EMX1: variants seen among roughly 807,000 people sequenced by gnomAD.
EMX1 encodes homeobox protein EMX1.
In EMX1, 10 loss-of-function variants were observed where a neutral mutation model predicts 20.1. The observed-to-expected ratio is 0.50, with a 90% CI of 0.31 to 0.84. The LOEUF (loss-of-function observed/expected upper bound fraction) is 0.84, where lower values mean the gene tolerates loss of function less well. EMX1 is among the 40% of genes least tolerant of loss of function. The probability of loss-of-function intolerance (pLI) is 0.05; values close to 1 mark genes in which losing one functional copy is unlikely to be tolerated. For synonymous variants in EMX1, 250 were observed against 200.4 expected, an observed-to-expected ratio of 1.25 and a Z score of -2.09; for missense variants, 424 against 431.9, an observed-to-expected ratio of 0.98 and a Z score of 0.16.
Position 72,930,831 on chromosome 2 carries a change from TA to T in EMX1, c.706-2954del, listed in dbSNP as rs1174055759. Reference sequence around the variant, plus strand: ...AGTAAAAAATAACTACCATTATCAATAATCTATTAAGGAAAATTCAGAAAAG... The same window carrying T: ...AGTAAAAAATAACTACCATTATCAATATCTATTAAGGAAAATTCAGAAAAG... On this transcript the variant is annotated intron_variant, in intron 2 of 2. Coordinates refer to ENST00000258106, the MANE Select transcript of EMX1 (RefSeq NM_004097.3). This position sits in a 1 kb window ranked among gnomAD's most constrained non-coding sequence, Gnocchi z 4.4. 6.6e-6 allele frequency among the ~76,000 whole-genome samples: 1 copy of T among 152,206 alleles called. No individual in the cohort carries two copies. Among genetic ancestry groups the T allele is most frequent in the Non-Finnish European group, 1.5e-5 (1 of 68,028 alleles).
Position 72,933,859 on chromosome 2 carries a change from G to A in EMX1, c.778G>A (p.Glu260Lys), listed in dbSNP as rs756031836. ...GCTGGAGGAGGAAGGGCCTGAGTCC[G>A]AGCAGAAGAAGAAGGGCTCCCATCA... ...QKLEEEGPES[E>K]QKKKGSHHIN... Residue 260 changes from glutamate to lysine, a missense_variant, in exon 3 of 3, where the codon GAG becomes AAG. Physicochemically the swap from Glu to Lys is moderately conservative, Grantham distance 56. Around this residue, in one of 2 missense-constraint regions of EMX1, gnomAD observed 91 missense variants for 135.2 expected, o/e 0.67. Coordinates refer to ENST00000258106, the MANE Select transcript of EMX1 (RefSeq NM_004097.3). 8.1e-6 allele frequency: 13 copies of A among 1,614,242 alleles called. No homozygotes were observed. Among genetic ancestry groups the A allele is most frequent in the Non-Finnish European group, 1.1e-5 (13 of 1,180,034 alleles).
intron 1 of EMX1, chr2:72,924,075 G>A (rs879595981): frequency 9.7e-5 from 59 of 608,014 alleles, no homozygotes; most frequent in Admixed American, 3.3e-4. Flanking sequence ...TATTCCCCGC[G>A]TTCCCCCGCG....
At position 72,924,435 on chromosome 2, in the gene EMX1, A is replaced by G; in HGVS notation, c.647A>G (p.Tyr216Cys). 1.3e-6 allele frequency: 2 copies of G among 1,597,822 alleles called. No homozygotes were observed. Among genetic ancestry groups the G allele is most frequent in the Non-Finnish European group, 8.5e-7 (1 of 1,176,726 alleles). Residue 216 changes from tyrosine to cysteine, a missense_variant, in exon 2 of 3, where the codon TAC becomes TGC. By Grantham distance (194) the Tyr-to-Cys change is radical. Transcript: ENST00000258106. ...RLERAFEKNH[Y>C]VVGAERKQLA... is the part of the protein sequence containing the mutation. Reference sequence around the variant, plus strand: ...GAGCGCGCCTTCGAGAAGAACCACTACGTGGTGGGCGCCGAGCGGAAGCAG... The same window carrying G: ...GAGCGCGCCTTCGAGAAGAACCACTGCGTGGTGGGCGCCGAGCGGAAGCAG...
intron 2 of EMX1, among the ~76,000 whole-genome samples, chr2:72,932,622 C>T (rs1055379943): frequency 6.6e-6 from 1 of 152,176 alleles, no homozygotes. Context: ...ACATTAAGGG[C>T]TGTGTCCTGG....
upstream of EMX1, chr2:72,916,199 C>G (rs1188644508): frequency 6.2e-6 from 1 of 161,490 alleles, no homozygotes; most frequent in Non-Finnish European, 1.3e-5. Context: ...GAGCGCTCTC[C>G]AAACCACGGC....
chr2:72,916,448 C>G, upstream of EMX1: 1 of 564,454 alleles, frequency 1.8e-6, no homozygotes, highest in Non-Finnish European at 3.2e-6. Flanking sequence ...GCCGCCCGCG[C>G]CCTCCTAGGC....
rs1415828860 is a variant in EMX1, at chr2:72,918,067, C to G, written c.215C>G (p.Ala72Gly). The change falls in exon 1 of 3, where the codon GCC (alanine) becomes GGC (glycine). Residue 72 changes from alanine (A) to glycine (G), a missense_variant. Physicochemically the swap from Ala to Gly is moderately conservative, Grantham distance 60 (BLOSUM62 0). Coordinates refer to ENST00000258106, the MANE Select transcript of EMX1 (RefSeq NM_004097.3). ...GCGGGCTCCCATCTCCTGGCGGCGG[C>G]CGCCTCCGAGGAACCGCTCCGGCCC... is the stretch of plus-strand genomic sequence containing the variant. ...GGAGSHLLAA[A>G]ASEEPLRPTA... The G allele has an allele frequency of 7.1e-7, 1 of 1,417,542 alleles. No individual in the cohort carries two copies. Among genetic ancestry groups the G allele is most frequent in the Non-Finnish European group, 9.1e-7 (1 of 1,095,438 alleles). The allele number at this position is 1,417,542 out of a possible 1,614,324, so 87.8% of individuals were successfully genotyped here.
chr2:72,934,124 A>C lies in EMX1; in HGVS notation c.*170A>C. On this transcript the variant is annotated 3_prime_UTR_variant, in exon 3 of 3. Transcript: ENST00000258106. Reference sequence around the variant, plus strand: ...GCCGCCATTGACAGAGGGACAAGCAATGGGCTGGCTGAGGCCTGGGACCAC... The same window carrying C: ...GCCGCCATTGACAGAGGGACAAGCACTGGGCTGGCTGAGGCCTGGGACCAC... 5 of 936,332 alleles carry C rather than the reference A, an allele frequency of 5.3e-6. No homozygotes were observed. Among genetic ancestry groups the C allele is most frequent in the Non-Finnish European group, 6.0e-6 (4 of 662,314 alleles). The allele number at this position is 936,332 out of a possible 1,614,324, so 58.0% of individuals were successfully genotyped here.
chr2:72,931,789 C>T (rs939012971), intron 2 of EMX1, among the ~76,000 whole-genome samples: 28 of 152,266 alleles, frequency 1.8e-4, no homozygotes, highest in African/African-American at 5.8e-4. Context: ...GCTTTCCAGC[C>T]CCTGGCTGGC....
chr2:72,932,433 C>G (rs1671300854), intron 2 of EMX1, among the ~76,000 whole-genome samples: 1 of 152,218 alleles, frequency 6.6e-6, no homozygotes, highest in African/African-American at 2.4e-5. Flanking sequence ...AGCTGAGAAT[C>G]AGTACCCAGG....
At chr2:72,924,657 T>C (rs1274036635) in intron 2 of EMX1, among the ~76,000 whole-genome samples, 164 bp downstream of exon 2, 2 of 152,306 alleles carry the variant, frequency 1.3e-5, no homozygotes, top group Non-Finnish European at 1.5e-5. Context: ...TTAGAGCCTC[T>C]TCCTCGAGAC....
intron 2 of EMX1, 70 bp downstream of exon 2, chr2:72,924,563 G>T (rs1257622247): frequency 1.4e-6 from 2 of 1,456,862 alleles, no homozygotes; most frequent in Admixed American, 4.7e-5. Context: ...GCGGGTGCAG[G>T]AGAGGCCCTG....
intron 1 of EMX1, among the ~76,000 whole-genome samples, chr2:72,922,980 G>A (rs905020292): frequency 2.6e-5 from 4 of 152,184 alleles, no homozygotes; most frequent in African/African-American, 9.7e-5. Context: ...GGTGCATCAG[G>A]AGGCTGTTAT....
At chr2:72,917,228 G>A (rs1042631225), upstream of EMX1, among the ~76,000 whole-genome samples, 6 of 152,232 alleles carry the variant, frequency 3.9e-5, no homozygotes, top group Admixed American at 1.3e-4. Flanking sequence ...ACACACCGGG[G>A]AGGGGAGGGT....
chr2:72,931,179 A>T (rs1356675303), intron 2 of EMX1, among the ~76,000 whole-genome samples: 1 of 152,196 alleles, frequency 6.6e-6, no homozygotes, highest in Admixed American at 6.5e-5. Context: ...ATCACCTTTC[A>T]CTTGGGTGCC....
Position 72,918,223 on chromosome 2 carries a change from A to G in EMX1, c.371A>G (p.Asn124Ser). ...GAGCTCGTGTTCCCCGAGGCCATGA[A>G]CCACCCCGCGCTGACCGTGCATCCG... ...GPELVFPEAM[N>S]HPALTVHPAH... Residue 124 changes from asparagine (N) to serine (S), a missense_variant, in exon 1 of 3, where the codon AAC becomes AGC. Physicochemically the swap from Asn to Ser is conservative, Grantham distance 46. Coordinates refer to ENST00000258106, the MANE Select transcript of EMX1 (RefSeq NM_004097.3). 6.3e-7 allele frequency: 1 copy of G among 1,575,206 alleles called. No individual in the cohort carries two copies. The highest frequency in any genetic ancestry group is 1.4e-5 in the African/African-American group (1 of 71,770).
Position 72,918,378 on chromosome 2 carries a change from T to A in EMX1, c.520+6T>A. ...CTTCGGCCACCGCTTCCAGGGTGAG[T>A]GTCCACGCTGTGCCCGCCGAGGCGG... On this transcript the variant is annotated splice_donor_region_variant and intron_variant, in intron 1 of 2. Coordinates refer to ENST00000258106, the MANE Select transcript of EMX1 (RefSeq NM_004097.3). 7.2e-7 allele frequency: 1 copy of A among 1,392,026 alleles called. No individual in the cohort carries two copies. 86.2% of individuals were successfully genotyped at this position (1,392,026 alleles called of 1,614,324 possible).
chr2:72,919,025 C>G (rs1385990533), intron 1 of EMX1, among the ~76,000 whole-genome samples: 1 of 152,232 alleles, frequency 6.6e-6, no homozygotes, highest in Non-Finnish European at 1.5e-5. Context: ...CGTTGCTCGC[C>G]GCCTTCGGGA....
chr2:72,917,886 G>A lies in EMX1; in HGVS notation c.34G>A (p.Ala12Thr). Reference protein sequence around the residue: ...CLAGCTPRKAAAPGRGALPRA... With the variant: ...CLAGCTPRKATAPGRGALPRA... The stretch of plus-strand genomic sequence containing the variant: ...GGCTGGGTGCACACCCCGCAAGGCG[G>A]CGGCGCCAGGACGCGGAGCGCTCCC... Residue 12 changes from alanine (A) to threonine (T), a missense_variant, in exon 1 of 3, where the codon GCG becomes ACG. Ala to Thr is a moderately conservative substitution (Grantham distance 58, BLOSUM62 0). This residue lies in a region of EMX1 where 333 missense variants were observed against 296.6 expected (regional missense o/e 1.12). Coordinates refer to ENST00000258106, the MANE Select transcript of EMX1 (RefSeq NM_004097.3). 6.8e-7 allele frequency: 1 copy of A among 1,479,460 alleles called. No homozygotes were observed. Among genetic ancestry groups the A allele is most frequent in the Middle Eastern group, 2.4e-4 (1 of 4,226 alleles). The allele number at this position is 1,479,460 out of a possible 1,614,324, so 91.6% of individuals were successfully genotyped here.
Sources: allele counts gnomAD v4.1 joint callset (sites outside exome capture counted in the v4.1 genomes callset), GRCh38; gene constraint gnomAD v4.1.1; regional missense constraint gnomAD v4.1.1; non-coding constraint Gnocchi (gnomAD v3.1); transcripts MANE v1.5; gene names NCBI Gene and HGNC (gene_info 2026-07-23, HGNC 2026-07-21).